The following NOX4 variants were observed in gnomAD, a reference collection of about 807,000 sequenced individuals.
NOX4 encodes the protein NADPH oxidase 4.
Under a neutral mutation model 87.6 loss-of-function variants are expected in NOX4, and 69 were observed. The observed-to-expected ratio is 0.79, with a 90% CI of 0.65 to 0.96. The LOEUF (loss-of-function observed/expected upper bound fraction) is 0.96. Among genes scored for constraint, NOX4 ranks in the 40% least tolerant of loss-of-function variants. NOX4 has a pLI of 0.00. For synonymous variants in NOX4, 275 were observed against 238.2 expected (o/e 1.15, Z -1.42); for missense variants, 680 against 681.5 (o/e 1.00, Z 0.02).
chr11:89,587,810 A>C, the NOX4 span, among the ~76,000 whole-genome samples: 2 of 152,168 alleles, frequency 1.3e-5, no homozygotes, highest in African/African-American at 4.8e-5. Context: ...TGTTTTTAGA[A>C]TGTTTTTGAA....
At chr11:89,435,120 G>T (rs550634282) in intron 6 of NOX4, among the ~76,000 whole-genome samples, 1 of 152,140 alleles carries the variant, frequency 6.6e-6, no homozygotes, top group Admixed American at 6.6e-5. Context: ...TATAATTAGT[G>T]TACTTCAATT....
intron 11 of NOX4, among the ~76,000 whole-genome samples, chr11:89,381,461 T>G (rs769484189): frequency 1.2e-4 from 18 of 152,174 alleles, no homozygotes; most frequent in Non-Finnish European, 2.4e-4. Context: ...CTGAGCACTT[T>G]GTGACCCCCA....
chr11:89,422,814 T>C (rs561794607), intron 7 of NOX4, among the ~76,000 whole-genome samples: 321 of 150,284 alleles, frequency 2.1e-3, no homozygotes, highest in African/African-American at 7.6e-3. Context: ...TTTTTTTTTT[T>C]TTTGAGATGC....
chr11:89,438,274 AAT>A (rs1274311724), intron 6 of NOX4, among the ~76,000 whole-genome samples: 3 of 135,472 alleles, frequency 2.2e-5, no homozygotes, highest in Non-Finnish European at 3.1e-5. Flanking sequence ...AATATATAAT[AAT>A]ATATATACTA....
chr11:89,392,294 C>A (rs1941186071), intron 11 of NOX4, among the ~76,000 whole-genome samples: 1 of 152,080 alleles, frequency 6.6e-6, no homozygotes. Flanking sequence ...GGACTCAGAG[C>A]CTTCATACTG....
intron 5 of NOX4, 32 bp downstream of exon 5, chr11:89,444,103 G>T: frequency 6.3e-7 from 1 of 1,589,272 alleles, no homozygotes; most frequent in Non-Finnish European, 8.6e-7. Context: ...CATGACAAGT[G>T]AAAGAAAAAT....
chr11:89,471,144 G>A (rs1037570035), intron 2 of NOX4, among the ~76,000 whole-genome samples: 5 of 152,110 alleles, frequency 3.3e-5, no homozygotes, highest in African/African-American at 9.6e-5. Context: ...ATCTTTCTCC[G>A]TGTTTCCTTT....
chr11:89,356,116 T>C (rs984138669), intron 12 of NOX4, among the ~76,000 whole-genome samples: 1 of 152,092 alleles, frequency 6.6e-6, no homozygotes, highest in Admixed American at 6.6e-5. Flanking sequence ...TATTTAAGTA[T>C]GATATATATG....
intron 2 of NOX4, among the ~76,000 whole-genome samples, chr11:89,468,024 T>C (rs1565329239): frequency 6.6e-6 from 1 of 152,230 alleles, no homozygotes; most frequent in Non-Finnish European, 1.5e-5. Flanking sequence ...AAATTTATTT[T>C]GCTAAATACT....
At chr11:89,494,505 C>G (rs1946926467), upstream of NOX4, among the ~76,000 whole-genome samples, 2 of 152,138 alleles carry the variant, frequency 1.3e-5, no homozygotes. Flanking sequence ...GGACAAAAAT[C>G]CTGTCTTACT....
chr11:89,489,727 C>CAAAAAAAA (rs35606793), intron 2 of NOX4, among the ~76,000 whole-genome samples: 1 of 118,508 alleles, frequency 8.4e-6, no homozygotes, highest in African/African-American at 3.0e-5. Flanking sequence ...GACTCTGTCT[C>CAAAAAAAA]AAAAAAAAAA....
intron 5 of NOX4, among the ~76,000 whole-genome samples, chr11:89,441,771 G>A (rs1420362413): frequency 5.3e-5 from 8 of 151,948 alleles, no homozygotes; most frequent in South Asian, 4.2e-4. Context: ...AGTGAGAGAT[G>A]TTTTCACAGT....
chr11:89,355,331 A>ATAT (rs1554996200), intron 12 of NOX4, among the ~76,000 whole-genome samples: 1 of 148,078 alleles, frequency 6.8e-6, no homozygotes, highest in Non-Finnish European at 1.5e-5. Flanking sequence ...ATTCATATAT[A>ATAT]TATTTTAAAT....
intron 13 of NOX4, 74 bp from the exon 14 acceptor site, chr11:89,342,267 C>T: frequency 1.5e-6 from 2 of 1,340,986 alleles, no homozygotes; most frequent in Non-Finnish European, 2.1e-6. Flanking sequence ...ATATAGCAAA[C>T]ATGCTGAATG....
At chr11:89,552,954 T>C in the NOX4 span, among the ~76,000 whole-genome samples, 1 of 152,048 alleles carries the variant, frequency 6.6e-6, no homozygotes, top group African/African-American at 2.4e-5. Context: ...GTAATAACAT[T>C]TTCATTCAAG....
chr11:89,423,450 T>A (rs1363012989), intron 7 of NOX4, among the ~76,000 whole-genome samples: 1 of 152,198 alleles, frequency 6.6e-6, no homozygotes, highest in Non-Finnish European at 1.5e-5. Flanking sequence ...CTCATAAGCT[T>A]GTAATGCCAC....
intron 2 of NOX4, among the ~76,000 whole-genome samples, chr11:89,454,672 G>A (rs1945111738): frequency 6.6e-6 from 1 of 152,018 alleles, no homozygotes; most frequent in African/African-American, 2.4e-5. Context: ...TAAATAGTCT[G>A]GGCATAAATA....
chr11:89,414,328 T>C (rs1238916256), intron 8 of NOX4, among the ~76,000 whole-genome samples: 1 of 152,032 alleles, frequency 6.6e-6, no homozygotes, highest in South Asian at 2.1e-4. Flanking sequence ...AATAACTGGA[T>C]GGGTAATCTA....
At chr11:89,364,976 G>A (rs1186212538) in intron 12 of NOX4, among the ~76,000 whole-genome samples, 1 of 152,016 alleles carries the variant, frequency 6.6e-6, no homozygotes, top group Admixed American at 6.6e-5. Flanking sequence ...AACACTCACA[G>A]TCCAGGGTTC....
Sources: allele counts gnomAD v4.1 joint callset (sites outside exome capture counted in the v4.1 genomes callset), GRCh38; gene constraint gnomAD v4.1.1; transcripts MANE v1.5; gene names NCBI Gene and HGNC (gene_info 2026-07-23, HGNC 2026-07-21).